MECOM: variants seen among roughly 807,000 people sequenced by gnomAD.
MECOM encodes the protein histone-lysine N-methyltransferase MECOM.
MECOM carries 13 observed loss-of-function variants against 116.3 expected under a neutral mutation model. That is an observed-to-expected ratio of 0.11 (90% CI 0.07 to 0.18). The LOEUF (loss-of-function observed/expected upper bound fraction) is 0.18, where lower values mean the gene tolerates loss of function less well. Among genes scored for constraint, MECOM ranks in the 10% least tolerant of loss-of-function variants. The pLI is 1.00. For missense variants in MECOM, 1,299 were observed against 1,509.0 expected (o/e 0.86, Z 2.31); for synonymous variants, 528 against 535.2 (o/e 0.99, Z 0.19).
At chr3:169,384,233 C>A (rs1732930843) in intron 1 of MECOM, among the ~76,000 whole-genome samples, 1 of 152,014 alleles carries the variant, frequency 6.6e-6, no homozygotes, top group Admixed American at 6.6e-5. Flanking sequence ...ACTATGAATC[C>A]AAATCAATAC....
chr3:169,252,064 C>T (rs1756309395), intron 2 of MECOM, among the ~76,000 whole-genome samples: 2 of 151,916 alleles, frequency 1.3e-5, no homozygotes, highest in African/African-American at 2.4e-5. Context: ...TCATTTCAAT[C>T]GAATCAAATG....
chr3:169,219,482 G>A (rs2149493049), intron 2 of MECOM, among the ~76,000 whole-genome samples: 1 of 152,282 alleles, frequency 6.6e-6, no homozygotes, highest in East Asian at 1.9e-4. Flanking sequence ...ACTCCAGCCT[G>A]GGCGACAGAG....
chr3:169,576,836 C>CAGAGAGAGAG lies in MECOM; in HGVS notation c.37+86499_37+86500insCTCTCTCTCT, dbSNP rs1413097407. Among the ~76,000 whole-genome samples, 327 of 113,366 alleles carry CAGAGAGAGAG rather than the reference C, an allele frequency of 2.9e-3. 1 individual carries two copies. The highest frequency in any genetic ancestry group is 4.7e-3 in the Middle Eastern group (1 of 214). 74.4% of individuals were successfully genotyped at this position (113,366 alleles called of 152,430 possible). Reference sequence around the variant, plus strand: ...ACACACACACACACACACACACACACACAGAGAGAGAGAGAGAGAGTTAAG... The same window carrying CAGAGAGAGAG: ...ACACACACACACACACACACACACACAGAGAGAGAGACAGAGAGAGAGAGAGAGAGTTAAG... On this transcript the variant is annotated intron_variant, in intron 1 of 16. Transcript: ENST00000651503.
chr3:169,174,393 C>T (rs1459813906), intron 2 of MECOM, among the ~76,000 whole-genome samples: 3 of 152,156 alleles, frequency 2.0e-5, no homozygotes, highest in Admixed American at 2.0e-4. Flanking sequence ...AGAATGAATG[C>T]ATGACATCAA....
intron 1 of MECOM, among the ~76,000 whole-genome samples, chr3:169,648,332 G>T (rs1450123544): frequency 9.9e-5 from 15 of 152,186 alleles, no homozygotes; most frequent in Non-Finnish European, 1.3e-4. Flanking sequence ...AGACCATGAG[G>T]CACTTTGAAA....
At chr3:169,313,437 G>GAA (rs1409260385) in intron 2 of MECOM, among the ~76,000 whole-genome samples, 3 of 152,204 alleles carry the variant, frequency 2.0e-5, no homozygotes, top group Non-Finnish European at 4.4e-5. Flanking sequence ...TAGCGGGAGA[G>GAA]AAAATCAGAT....
chr3:169,221,472 G>A (rs1560010931), intron 2 of MECOM, among the ~76,000 whole-genome samples: 1 of 151,766 alleles, frequency 6.6e-6, no homozygotes, highest in Non-Finnish European at 1.5e-5. Flanking sequence ...TTGTGAAAGA[G>A]TGTGAATTGT....
chr3:169,263,297 C>T (rs1220053444), intron 2 of MECOM, among the ~76,000 whole-genome samples: 7 of 150,462 alleles, frequency 4.7e-5, no homozygotes, highest in Non-Finnish European at 7.4e-5. Context: ...CTCGGTTAAT[C>T]TTTTGTATTT....
rs140837103 is a variant in MECOM, at chr3:169,568,032, T to C, written c.37+95304A>G. 3.1e-3 allele frequency among the ~76,000 whole-genome samples: 475 copies of C among 151,958 alleles called. 4 individuals carry two copies. Among genetic ancestry groups the C allele is most frequent in the Middle Eastern group, 0.014 (4 of 294 alleles). ...CAACTGTGGTACCCAGCTCATCTCA[T>C]TGGGACTCGTTGGACAGTGGGTGCA... On this transcript the variant is annotated intron_variant, in intron 1 of 16. Coordinates refer to ENST00000651503, the MANE Select transcript of MECOM (RefSeq NM_004991.4).
intron 2 of MECOM, among the ~76,000 whole-genome samples, chr3:169,302,685 C>T (rs1716957432): frequency 2.6e-5 from 4 of 151,904 alleles, no homozygotes. Context: ...CCAACATGAG[C>T]AAACCCCATC....
chr3:169,601,093 GA>G (rs1266805249), intron 1 of MECOM, among the ~76,000 whole-genome samples: 1 of 152,218 alleles, frequency 6.6e-6, no homozygotes, highest in Non-Finnish European at 1.5e-5. Context: ...CATGTACCAT[GA>G]AAGCCAGGAA....
intron 1 of MECOM, among the ~76,000 whole-genome samples, chr3:169,654,388 C>T (rs1215182861): frequency 6.6e-6 from 1 of 152,164 alleles, no homozygotes; most frequent in Non-Finnish European, 1.5e-5. Context: ...GACGTTCATC[C>T]CTTAAAAACT....
intron 2 of MECOM, among the ~76,000 whole-genome samples, chr3:169,228,895 C>T (rs1048530629): frequency 2.0e-5 from 3 of 152,148 alleles, no homozygotes; most frequent in African/African-American, 7.2e-5. Context: ...CCAAATTGGG[C>T]CACTCTTGGA....
intron 1 of MECOM, among the ~76,000 whole-genome samples, chr3:169,444,907 T>C (rs1397510492): frequency 1.3e-5 from 2 of 152,192 alleles, no homozygotes; most frequent in African/African-American, 2.4e-5. Context: ...ACTCTTACTA[T>C]GTTTTAGCAA....
At chr3:169,175,419 T>G (rs1745008098) in intron 2 of MECOM, among the ~76,000 whole-genome samples, 1 of 152,160 alleles carries the variant, frequency 6.6e-6, no homozygotes, top group African/African-American at 2.4e-5. Context: ...ACAAAATTAC[T>G]AAAAATATTC....
chr3:169,098,191 A>C (rs1175727855), intron 12 of MECOM, among the ~76,000 whole-genome samples: 1 of 152,184 alleles, frequency 6.6e-6, no homozygotes, highest in Non-Finnish European at 1.5e-5. Context: ...ACTATTAACT[A>C]AAATACAGAC....
intron 2 of MECOM, among the ~76,000 whole-genome samples, chr3:169,352,421 A>G (rs1726478461): frequency 6.6e-6 from 1 of 151,928 alleles, no homozygotes. Flanking sequence ...AGCTAACTTT[A>G]CTATGAAATT....
At chr3:169,659,880 T>C (rs1355647224) in intron 1 of MECOM, among the ~76,000 whole-genome samples, 1 of 152,106 alleles carries the variant, frequency 6.6e-6, no homozygotes, top group South Asian at 2.1e-4. Context: ...AGCCTTTTTT[T>C]AAACAGAGAG....
chr3:169,097,441 G>A (rs1721972997), intron 12 of MECOM, among the ~76,000 whole-genome samples: 1 of 152,014 alleles, frequency 6.6e-6, no homozygotes, highest in African/African-American at 2.4e-5. Flanking sequence ...ACACAGTCAT[G>A]GGCAGTATAC....
Sources: gnomAD v4.1 joint callset for allele counts (sites outside exome capture counted in the v4.1 genomes callset) on GRCh38, gnomAD v4.1.1 for gene constraint, MANE v1.5 for transcripts, NCBI Gene and HGNC (gene_info 2026-07-23, HGNC 2026-07-21) for gene names.